The following NPAT variants were observed in gnomAD, a reference collection of about 807,000 sequenced individuals.
NPAT encodes nuclear protein, coactivator of histone transcription, also known as protein NPAT.
NPAT carries 52 observed loss-of-function variants against 130.7 expected under a neutral mutation model. That is an observed-to-expected ratio of 0.40 (90% confidence interval 0.32 to 0.50). The LOEUF (loss-of-function observed/expected upper bound fraction) is 0.50. NPAT is among the 20% of genes least tolerant of loss of function. The pLI is 0.68. For synonymous variants in NPAT, 580 were observed against 584.8 expected (o/e 0.99, Z 0.12); for missense variants, 1,687 against 1,662.6 (o/e 1.01, Z -0.26).
intron 1 of NPAT, among the ~76,000 whole-genome samples, chr11:108,221,131 C>T (rs1482366531): frequency 6.6e-6 from 1 of 152,054 alleles, no homozygotes; most frequent in Non-Finnish European, 1.5e-5. Context: ...GTGATTCTGC[C>T]CTCCAGGGGA....
chr11:108,159,785 C>T (rs903241715), intron 17 of NPAT, among the ~76,000 whole-genome samples: 1 of 151,506 alleles, frequency 6.6e-6, no homozygotes, highest in Non-Finnish European at 1.5e-5. Context: ...CCAAGGTGCG[C>T]AGATCACTTG....
intron 4 of NPAT, among the ~76,000 whole-genome samples, chr11:108,190,824 G>A (rs1213407535): frequency 6.6e-6 from 1 of 152,182 alleles, no homozygotes; most frequent in African/African-American, 2.4e-5. Flanking sequence ...TGCAATCCCA[G>A]CACCCTGGGG....
chr11:108,186,023 G>GC (rs1555043311), intron 8 of NPAT, among the ~76,000 whole-genome samples: 1 of 145,650 alleles, frequency 6.9e-6, no homozygotes, highest in African/African-American at 2.5e-5. Flanking sequence ...TCGCCGGCCA[G>GC]TTTTTTTTTT....
chr11:108,202,770 T>C (rs1168160988), intron 1 of NPAT, among the ~76,000 whole-genome samples: 3 of 152,158 alleles, frequency 2.0e-5, no homozygotes, highest in African/African-American at 7.2e-5. Flanking sequence ...ATTTCACCCC[T>C]ATGCAGAAGA....
At chr11:108,193,577 T>C (rs1243547205) in intron 3 of NPAT, among the ~76,000 whole-genome samples, 3 of 152,044 alleles carry the variant, frequency 2.0e-5, no homozygotes, top group Non-Finnish European at 4.4e-5. Flanking sequence ...AATACAAAAT[T>C]AGCCGGGCAT....
At chr11:108,221,904 T>A (rs1271537157) in intron 1 of NPAT, among the ~76,000 whole-genome samples, 1 of 152,154 alleles carries the variant, frequency 6.6e-6, no homozygotes, top group Non-Finnish European at 1.5e-5. Flanking sequence ...CCCTCTGAAA[T>A]TTTTCGCTGA....
chr11:108,161,176 C>T lies in NPAT; in HGVS notation c.3910G>A (p.Val1304Ile). Residue 1304 changes from valine (V) to isoleucine (I), a missense_variant, in exon 17 of 18, where the codon GTA becomes ATA. Coordinates refer to ENST00000278612, the MANE Select transcript of NPAT (RefSeq NM_002519.3). ...RFSEDSSTSKVMVPPVTPDLP... is the reference protein window; with the variant it reads ...RFSEDSSTSKIMVPPVTPDLP... ...TCTGGGGTGACAGGAGGGACCATTACTTTTGATGTACTACTGTCTTCACTG... is the reference window on the plus strand; with the variant it reads ...TCTGGGGTGACAGGAGGGACCATTATTTTTGATGTACTACTGTCTTCACTG... The T allele has an allele frequency of 6.2e-7, 1 of 1,614,168 alleles. No individual in the cohort carries two copies. Among genetic ancestry groups the T allele is most frequent in the Non-Finnish European group, 8.5e-7 (1 of 1,180,030 alleles).
At chr11:108,220,968 A>G (rs1438443547) in intron 1 of NPAT, among the ~76,000 whole-genome samples, 2 of 152,246 alleles carry the variant, frequency 1.3e-5, no homozygotes, top group South Asian at 2.1e-4. Context: ...GATTTTTAAG[A>G]TAAGAAAACC....
intron 12 of NPAT, among the ~76,000 whole-genome samples, chr11:108,175,884 T>C (rs1565312820): frequency 6.6e-6 from 1 of 152,212 alleles, no homozygotes; most frequent in Admixed American, 6.5e-5. Context: ...AGGTTGAGTG[T>C]GGTGGCTCAC....
Position 108,169,946 on chromosome 11 carries a change from A to G in NPAT, c.2883T>C (p.Phe961=), listed in dbSNP as rs1290284327. The G allele has an allele frequency of 6.2e-7, 1 of 1,613,792 alleles. No individual in the cohort carries two copies. The highest frequency in any genetic ancestry group is 1.1e-5 in the South Asian group (1 of 91,078). The change falls in exon 14 of 18, where the codon TTT becomes TTC. Residue 961 remains phenylalanine, a synonymous_variant. Transcript: ENST00000278612. The stretch of plus-strand genomic sequence containing the variant: ...ATCTTACCTGCCGAGGAGGAGTAGA[A>G]AAGTTATTTCCATTCTGTCCAACCA... ...VSVVGQNGNN[F]STPPRQVLHM...
chr11:108,211,879 G>C (rs902121719), intron 1 of NPAT, among the ~76,000 whole-genome samples: 1 of 152,102 alleles, frequency 6.6e-6, no homozygotes, highest in Non-Finnish European at 1.5e-5. Context: ...TAGTCTGGGA[G>C]GCTGAGGCTG....
intron 1 of NPAT, among the ~76,000 whole-genome samples, chr11:108,211,362 CA>C (rs71047684): frequency 1 from 152,192 of 152,192 alleles, 76,096 homozygotes; most frequent in Non-Finnish European, 1. Flanking sequence ...GGCATAATGG[CA>C]AAAATGCCAT....
At chr11:108,184,076 C>T (rs2078081737) in intron 10 of NPAT, among the ~76,000 whole-genome samples, 1 of 152,128 alleles carries the variant, frequency 6.6e-6, no homozygotes, top group Non-Finnish European at 1.5e-5. Flanking sequence ...GTATTTACTA[C>T]CAATAGCAAC....
intron 3 of NPAT, among the ~76,000 whole-genome samples, chr11:108,192,531 TTAAAG>T (rs764189503): frequency 2.6e-4 from 40 of 152,352 alleles, no homozygotes; most frequent in African/African-American, 5.1e-4. Context: ...TGAAAGTGAA[TTAAAG>T]TAATCTGTCT....
intron 1 of NPAT, among the ~76,000 whole-genome samples, chr11:108,199,174 C>T (rs533753600): frequency 6.6e-6 from 1 of 152,350 alleles, no homozygotes; most frequent in South Asian, 2.1e-4. Context: ...GCTCAGACCT[C>T]AGAACTCCCT....
chr11:108,161,019 G>A lies in NPAT; in HGVS notation c.4067C>T (p.Thr1356Ile), dbSNP rs751869815. The A allele has an allele frequency of 2.5e-6, 4 of 1,613,998 alleles. No individual in the cohort carries two copies. The highest frequency in any genetic ancestry group is 2.5e-6 in the Non-Finnish European group (3 of 1,180,024). ...CCTTGAAGATGCTCTAAACTGTTGT[G>A]TGTTATCTTTCAGAGGAGTTGCTGA... is the stretch of plus-strand genomic sequence containing the variant. ...TTSATPLKDN[T>I]QQFRASSRST... Residue 1356 changes from threonine to isoleucine, a missense_variant, in exon 17 of 18, where the codon ACA becomes ATA. By Grantham distance (89) the Thr-to-Ile change is moderately conservative. Around this residue, in one of 3 missense-constraint regions of NPAT, gnomAD observed 1,379 missense variants for 1,346.6 expected, o/e 1.02. Coordinates refer to ENST00000278612, the MANE Select transcript of NPAT (RefSeq NM_002519.3).
chr11:108,212,501 G>C (rs2078393395), intron 1 of NPAT, among the ~76,000 whole-genome samples: 1 of 151,074 alleles, frequency 6.6e-6, no homozygotes, highest in Admixed American at 6.6e-5. Flanking sequence ...CTCTAGCCTG[G>C]GCAACAGAGA....
chr11:108,160,267 G>A (rs538528345), intron 17 of NPAT, among the ~76,000 whole-genome samples: 1 of 152,124 alleles, frequency 6.6e-6, no homozygotes, highest in South Asian at 2.1e-4. Context: ...AGGCTGCAGT[G>A]AGCCAAGATC....
At chr11:108,200,562 T>A (rs771488337) in intron 1 of NPAT, among the ~76,000 whole-genome samples, 5 of 152,168 alleles carry the variant, frequency 3.3e-5, no homozygotes, top group Non-Finnish European at 5.9e-5. Context: ...ACTGCCATAC[T>A]GGTCTAGGTC....
Sources: gnomAD v4.1 joint callset for allele counts (sites outside exome capture counted in the v4.1 genomes callset) on GRCh38, gnomAD v4.1.1 for gene constraint, gnomAD v4.1.1 regional missense constraint, MANE v1.5 for transcripts, NCBI Gene and HGNC (gene_info 2026-07-23, HGNC 2026-07-21) for gene names.